PCDH9: variants seen among roughly 807,000 people sequenced by gnomAD.
PCDH9 encodes the protein protocadherin-9.
PCDH9 carries 24 observed loss-of-function variants against 70.6 expected under a neutral mutation model. The ratio of observed to expected loss-of-function variants is 0.34; its 90% CI spans 0.25 to 0.48. The LOEUF is 0.48. PCDH9 is among the 20% of genes least tolerant of loss of function. The pLI, the probability that PCDH9 is intolerant of heterozygous loss-of-function variation, is 0.99. For synonymous variants in PCDH9, 562 were observed against 558.5 expected, an observed-to-expected ratio of 1.01 and a Z score of -0.09; for missense variants, 1,281 against 1,503.6, an observed-to-expected ratio of 0.85 and a Z score of 2.45.
intron 2 of PCDH9, among the ~76,000 whole-genome samples, chr13:67,021,946 AACATACC>A (rs1036784783): frequency 3.9e-4 from 59 of 152,170 alleles, no homozygotes; most frequent in Non-Finnish European, 6.6e-4. Context: ...GTATGTATAT[AACATACC>A]ACTTGGATTT....
chr13:67,166,744 G>A (rs762092065), intron 2 of PCDH9, among the ~76,000 whole-genome samples: 2 of 152,086 alleles, frequency 1.3e-5, no homozygotes, highest in South Asian at 2.1e-4. Context: ...ATAGCAAAAC[G>A]TATAATGTTG....
chr13:67,174,326 C>G (rs185081923), intron 2 of PCDH9, among the ~76,000 whole-genome samples: 2 of 150,952 alleles, frequency 1.3e-5, no homozygotes, highest in African/African-American at 4.9e-5. Context: ...TACATACATA[C>G]ATACATACAT....
chr13:67,064,931 GATA>G (rs2085616191), intron 2 of PCDH9, among the ~76,000 whole-genome samples: 3 of 150,692 alleles, frequency 2.0e-5, no homozygotes, highest in Non-Finnish European at 4.4e-5. Flanking sequence ...TAGATAGATA[GATA>G]GATAGCAGAG....
chr13:66,672,622 C>T (rs1453303469), intron 3 of PCDH9, among the ~76,000 whole-genome samples: 1 of 152,220 alleles, frequency 6.6e-6, no homozygotes, highest in Non-Finnish European at 1.5e-5. Context: ...AAAAGCTGCA[C>T]ACACTCAACA....
At chr13:66,618,885 A>G (rs1303821317) in intron 4 of PCDH9, among the ~76,000 whole-genome samples, 1 of 152,200 alleles carries the variant, frequency 6.6e-6, no homozygotes. Flanking sequence ...CACCAGGGAA[A>G]GTTGACATTA....
chr13:66,526,777 C>T (rs188666921), intron 4 of PCDH9, among the ~76,000 whole-genome samples: 1 of 152,044 alleles, frequency 6.6e-6, no homozygotes, highest in East Asian at 1.9e-4. Context: ...CTCAAAGTGG[C>T]CTAAATTTAA....
At position 66,978,922 on chromosome 13, in the gene PCDH9, T is replaced by C. The variant is rs542310832; in HGVS notation, c.3037-75317A>G. Among the ~76,000 whole-genome samples the C allele has an allele frequency of 4.0e-5, 6 of 151,692 alleles. No homozygotes were observed. In the South Asian group the frequency reaches 1.2e-3, roughly 31 times the overall value. The stretch of plus-strand genomic sequence containing the variant: ...ATGTATATATTTACATACAGTTACA[T>C]AGATATATATGTACTGTTATATAAA... On this transcript the variant is annotated intron_variant, in intron 2 of 4. Coordinates refer to ENST00000377865, the MANE Select transcript of PCDH9 (RefSeq NM_203487.3).
At chr13:66,897,136 G>A (rs1384547517) in intron 3 of PCDH9, among the ~76,000 whole-genome samples, 1 of 151,858 alleles carries the variant, frequency 6.6e-6, no homozygotes, top group African/African-American at 2.4e-5. Flanking sequence ...AACCATGTTT[G>A]TATACACAAA....
At chr13:66,577,552 C>T (rs572452132) in intron 4 of PCDH9, among the ~76,000 whole-genome samples, 4 of 151,992 alleles carry the variant, frequency 2.6e-5, no homozygotes, top group Admixed American at 2.0e-4. Flanking sequence ...CATTGTCCCT[C>T]GTCAGTCAGT....
intron 4 of PCDH9, among the ~76,000 whole-genome samples, chr13:66,593,941 T>C (rs2077069471): frequency 6.6e-6 from 1 of 151,650 alleles, no homozygotes; most frequent in South Asian, 2.1e-4. Context: ...TATAAAGTTT[T>C]TTTATAGTCT....
At chr13:66,568,672 CAA>C (rs971883483) in intron 4 of PCDH9, among the ~76,000 whole-genome samples, 5 of 124,456 alleles carry the variant, frequency 4.0e-5, no homozygotes, top group Non-Finnish European at 1.7e-5. Context: ...AACCCTGTCT[CAA>C]AAAAAAAAAA....
chr13:66,588,150 C>A (rs956461734), intron 4 of PCDH9, among the ~76,000 whole-genome samples: 1 of 151,984 alleles, frequency 6.6e-6, no homozygotes, highest in Non-Finnish European at 1.5e-5. Flanking sequence ...TTCACATAGA[C>A]ATCTATAATT....
intron 2 of PCDH9, among the ~76,000 whole-genome samples, chr13:66,994,390 C>T (rs923741277): frequency 1.3e-5 from 2 of 152,162 alleles, no homozygotes; most frequent in Non-Finnish European, 2.9e-5. Flanking sequence ...CTCTAGCGTG[C>T]CCTACTGGCC....
chr13:66,525,007 T>C (rs148717062), intron 4 of PCDH9, among the ~76,000 whole-genome samples: 100 of 152,162 alleles, frequency 6.6e-4, no homozygotes, highest in African/African-American at 2.4e-3. Context: ...ACAGAGAGCA[T>C]GAACATGTGC....
chr13:67,051,023 T>C (rs2085311255), intron 2 of PCDH9, among the ~76,000 whole-genome samples: 1 of 152,180 alleles, frequency 6.6e-6, no homozygotes, highest in South Asian at 2.1e-4. Flanking sequence ...ATCTTATTCT[T>C]TCACTTGGTT....
At chr13:66,668,100 C>G (rs989971577) in intron 3 of PCDH9, among the ~76,000 whole-genome samples, 3 of 152,130 alleles carry the variant, frequency 2.0e-5, no homozygotes, top group African/African-American at 4.8e-5. Context: ...TTCTCTGTCT[C>G]TGTAGATTCT....
chr13:66,871,871 C>G (rs2081696663), intron 3 of PCDH9, among the ~76,000 whole-genome samples: 1 of 151,986 alleles, frequency 6.6e-6, no homozygotes, highest in African/African-American at 2.4e-5. Flanking sequence ...CTGAAACATA[C>G]TCCTCTACTT....
chr13:67,072,783 C>T (rs1462764159), intron 2 of PCDH9, among the ~76,000 whole-genome samples: 1 of 151,930 alleles, frequency 6.6e-6, no homozygotes, highest in Non-Finnish European at 1.5e-5. Flanking sequence ...CTACAAGCAC[C>T]ATGTGTTCTG....
chr13:66,740,709 A>C (rs1432481171), intron 3 of PCDH9, among the ~76,000 whole-genome samples: 1 of 152,004 alleles, frequency 6.6e-6, no homozygotes, highest in Non-Finnish European at 1.5e-5. Context: ...AATACTACAA[A>C]CAACTCTATG....
Sources: allele counts gnomAD v4.1 joint callset (sites outside exome capture counted in the v4.1 genomes callset), GRCh38; gene constraint gnomAD v4.1.1; transcripts MANE v1.5; gene names NCBI Gene and HGNC (gene_info 2026-07-23, HGNC 2026-07-21).